Variants in LAMB1 observed in about 807,000 individuals in gnomAD.
LAMB1 encodes laminin subunit beta-1.
In LAMB1, 121 loss-of-function variants were observed where a neutral mutation model predicts 222.3. The observed-to-expected ratio is 0.54, with a 90% CI of 0.47 to 0.63. LAMB1 has a LOEUF of 0.63. Among genes scored for constraint, LAMB1 ranks in the 30% least tolerant of loss-of-function variants. The pLI is 0.00. For synonymous variants in LAMB1, 794 were observed against 807.2 expected (o/e 0.98, Z 0.28); for missense variants, 2,172 against 2,240.8 (o/e 0.97, Z 0.62).
In LAMB1 at chr7:107,953,837, G is replaced by A. The variant is rs117762539; in HGVS notation, c.2855-83C>T. 2.1e-3 allele frequency: 2,479 copies of A among 1,204,222 alleles called. 4 individuals carry two copies. The highest frequency in any genetic ancestry group is 2.8e-3 in the Non-Finnish European group (2,270 of 813,824). The allele number at this position is 1,204,222 out of a possible 1,614,324, so 74.6% of individuals were successfully genotyped here. On this transcript the variant is annotated intron_variant, in intron 21 of 33. Coordinates refer to ENST00000222399, the MANE Select transcript of LAMB1 (RefSeq NM_002291.3). ...GTGCACCGACACTCATGCCTAGAGA[G>A]AGCTGATCGTGGCGGTGCTTCATCT... is the stretch of plus-strand genomic sequence containing the variant.
chr7:107,977,960 A>G, intron 9 of LAMB1, 87 bp downstream of exon 9: 2 of 1,494,530 alleles, frequency 1.3e-6, no homozygotes, highest in Non-Finnish European at 1.8e-6. Context: ...ACCCTCTGCA[A>G]AACAGTACAC....
chr7:107,996,884 C>T (rs2034290981), intron 4 of LAMB1, among the ~76,000 whole-genome samples: 1 of 152,170 alleles, frequency 6.6e-6, no homozygotes, highest in South Asian at 2.1e-4. Context: ...AGGAAATGTT[C>T]CTAGTCTTTG....
In LAMB1 at chr7:107,926,201, A is replaced by G; in HGVS notation, c.5046T>C (p.Ser1682=). The G allele has an allele frequency of 2.5e-6, 4 of 1,613,632 alleles. No homozygotes were observed. The highest frequency in any genetic ancestry group is 1.7e-5 in the Admixed American group (1 of 60,006). Residue 1682 remains serine (S), a synonymous_variant, in exon 32 of 34, where the codon AGT becomes AGC. Coordinates refer to ENST00000222399, the MANE Select transcript of LAMB1 (RefSeq NM_002291.3). ...IEKVVYTVKQ[S]AEDVKKTLDG... ...TACGTACCTTCTTAACATCTTCTGC[A>G]CTTTGCTTCACAGTATATACTACTT...
chr7:107,971,610 C>T (rs187038058), intron 13 of LAMB1, among the ~76,000 whole-genome samples: 12 of 152,300 alleles, frequency 7.9e-5, no homozygotes, highest in Admixed American at 1.3e-4. Context: ...GATAGGGCAT[C>T]CCATCAATCA....
intron 27 of LAMB1, among the ~76,000 whole-genome samples, chr7:107,934,702 C>T (rs970182073): frequency 1.3e-5 from 2 of 152,026 alleles, no homozygotes; most frequent in Non-Finnish European, 2.9e-5. Context: ...TTAATGGAAG[C>T]CCCTTCTAGA....
intron 3 of LAMB1, among the ~76,000 whole-genome samples, chr7:108,001,311 G>A (rs1563013389): frequency 6.6e-6 from 1 of 152,224 alleles, no homozygotes; most frequent in Non-Finnish European, 1.5e-5. Flanking sequence ...CTGGGTCAGG[G>A]CAGCCAGGGC....
Position 107,931,505 on chromosome 7 carries a change from A to G in LAMB1, c.4393-5T>C, listed in dbSNP as rs370713284. 4.3e-5 allele frequency: 69 copies of G among 1,611,662 alleles called. No homozygotes were observed. Among genetic ancestry groups the G allele is most frequent in the Non-Finnish European group, 5.7e-5 (67 of 1,178,948 alleles). ...CCTCAGTTTTGCTTCAGAGACCTAA[A>G]TATGAAGAATAAATTACCCAGGGAA... is the stretch of plus-strand genomic sequence containing the variant. On this transcript the variant is annotated splice_polypyrimidine_tract_variant and splice_region_variant and intron_variant, in intron 28 of 33. Transcript: ENST00000222399.
In LAMB1 at chr7:107,940,176, C is replaced by T. The variant is rs770141908; in HGVS notation, c.3574G>A (p.Glu1192Lys). Residue 1192 changes from glutamate to lysine, a missense_variant, in exon 25 of 34, where the codon GAG becomes AAG. Coordinates refer to ENST00000222399, the MANE Select transcript of LAMB1 (RefSeq NM_002291.3). ...AATCTGTGTGTCCTGTTGGTCAGCTCGGCAATGATCACATCCCAGAGAGCA... is the reference window on the plus strand; with the variant it reads ...AATCTGTGTGTCCTGTTGGTCAGCTTGGCAATGATCACATCCCAGAGAGCA... The part of the protein sequence containing the change: ...CFALWDVIIA[E>K]LTNRTHRFLE... The T allele has an allele frequency of 6.2e-6, 10 of 1,614,120 alleles. No individual in the cohort carries two copies. The Admixed American group carries it at 8.3e-5, about 13-fold the overall frequency.
intron 7 of LAMB1, 141 bp from the exon 8 acceptor site, chr7:107,980,952 C>G: frequency 1.7e-6 from 1 of 598,398 alleles, no homozygotes; most frequent in Non-Finnish European, 3.0e-6. Flanking sequence ...ATCTAGATGA[C>G]TCCAATAGTG....
Position 107,924,392 on chromosome 7 carries a change from A to G in LAMB1, c.5065-3T>C, listed in dbSNP as rs761102603. ...TCATCAAGTTCACCATCTAAAGTCT[A>G]TAGTTCCACATTTAGACAGAAAGAA... is the stretch of plus-strand genomic sequence containing the variant. On this transcript the variant is annotated splice_region_variant and splice_polypyrimidine_tract_variant and intron_variant, in intron 32 of 33. Transcript: ENST00000222399. 7 of 1,595,004 alleles carry G rather than the reference A, an allele frequency of 4.4e-6. No individual in the cohort carries two copies. The highest frequency in any genetic ancestry group is 1.1e-5 in the South Asian group (1 of 88,622).
chr7:107,931,583 A>G lies in LAMB1; in HGVS notation c.4393-83T>C, dbSNP rs985018914. 3.9e-6 allele frequency: 5 copies of G among 1,294,564 alleles called. No individual in the cohort carries two copies. In the African/African-American group the frequency reaches 7.4e-5, roughly 19 times the overall value. The allele number at this position is 1,294,564 out of a possible 1,614,324, so 80.2% of individuals were successfully genotyped here. A position where few individuals can be genotyped will look rare whatever the true frequency, so the allele number is the denominator to read the frequency against. On this transcript the variant is annotated intron_variant, in intron 28 of 33. Coordinates refer to ENST00000222399, the MANE Select transcript of LAMB1 (RefSeq NM_002291.3). Reference sequence around the variant, plus strand: ...GAATATTGGAAATGGCTCAAAAATGATGTTGAAAAACTATGTACTTGGAAT... The same window carrying G: ...GAATATTGGAAATGGCTCAAAAATGGTGTTGAAAAACTATGTACTTGGAAT...
intron 19 of LAMB1, 49 bp downstream of exon 19, chr7:107,959,641 TG>T (rs2033453186): frequency 6.2e-7 from 1 of 1,613,998 alleles, no homozygotes; most frequent in African/African-American, 1.3e-5. Context: ...CCTGCCACAA[TG>T]GCTGAGTTAA....
intron 2 of LAMB1, 48 bp downstream of exon 2, chr7:108,002,801 C>G (rs201039284): frequency 2.5e-5 from 40 of 1,613,208 alleles, no homozygotes; most frequent in Middle Eastern, 3.3e-4. Context: ...GTTTTCCTTC[C>G]CCATGCCCAA....
chr7:107,961,700 A>G, intron 15 of LAMB1, 24 bp from the exon 16 acceptor site: 1 of 1,604,936 alleles, frequency 6.2e-7, no homozygotes, highest in Non-Finnish European at 8.5e-7. Flanking sequence ...CAAACAATGA[A>G]AAGATAGTTA....
Position 107,961,238 on chromosome 7 carries a change from C to T in LAMB1, c.2077G>A (p.Asp693Asn), listed in dbSNP as rs771540085. Residue 693 changes from aspartate to asparagine, a missense_variant, in exon 17 of 34, where the codon GAC (aspartate) becomes AAC (asparagine). Asp to Asn is a conservative substitution (Grantham distance 23, BLOSUM62 1). Transcript: ENST00000222399. ...ELPQYTSSDS[D>N]VESPYTLIDS... ...ATCAGCGTGTAGGGGCTCTCCACGTCGCTATCAGAGGAGGTGTACTGAGGC... is the reference window on the plus strand; with the variant it reads ...ATCAGCGTGTAGGGGCTCTCCACGTTGCTATCAGAGGAGGTGTACTGAGGC... The T allele has an allele frequency of 3.1e-6, 5 of 1,613,874 alleles. No individual in the cohort carries two copies. The highest frequency in any genetic ancestry group is 2.2e-5 in the South Asian group (2 of 91,064).
intron 2 of LAMB1, chr7:108,001,998 C>T (rs1386645619): frequency 4.2e-6 from 6 of 1,443,576 alleles, no homozygotes; most frequent in African/African-American, 1.4e-5. Context: ...GGGAAACCCA[C>T]CGACGCTCGC....
Position 107,951,209 on chromosome 7 carries a change from G to A in LAMB1, c.3391+17C>T. ...CCACTCTCTGATCAAGTCAATGCGA[G>A]AACGCCCACAACTCACCTCGGCACT... On this transcript the variant is annotated intron_variant, in intron 24 of 33. Coordinates refer to ENST00000222399, the MANE Select transcript of LAMB1 (RefSeq NM_002291.3). The A allele has an allele frequency of 6.2e-7, 1 of 1,602,282 alleles. No individual in the cohort carries two copies. Among genetic ancestry groups the A allele is most frequent in the Non-Finnish European group, 8.6e-7 (1 of 1,169,316 alleles).
chr7:107,967,934 G>C (rs2033666716), intron 13 of LAMB1, among the ~76,000 whole-genome samples: 1 of 152,124 alleles, frequency 6.6e-6, no homozygotes, highest in Non-Finnish European at 1.5e-5. Context: ...AAGACTGAGG[G>C]AGGCGTCATG....
chr7:107,996,769 A>G (rs1563010970), intron 4 of LAMB1, among the ~76,000 whole-genome samples: 1 of 152,224 alleles, frequency 6.6e-6, no homozygotes, highest in South Asian at 2.1e-4. Context: ...ACTACAGCAC[A>G]TGATAAACTG....
Sources: allele counts gnomAD v4.1 joint callset (sites outside exome capture counted in the v4.1 genomes callset), GRCh38; gene constraint gnomAD v4.1.1; transcripts MANE v1.5; gene names NCBI Gene and HGNC (gene_info 2026-07-23, HGNC 2026-07-21).